The following RYR3 variants were observed in gnomAD, a reference collection of about 807,000 sequenced individuals.
RYR3 encodes ryanodine receptor 3.
A neutral mutation model predicts 584.3 loss-of-function variants in RYR3; 207 were observed. The ratio of observed to expected loss-of-function variants is 0.35; its 90% CI spans 0.32 to 0.40. The LOEUF (loss-of-function observed/expected upper bound fraction) is 0.40. Among genes scored for constraint, RYR3 ranks in the 10% least tolerant of loss-of-function variants. The probability of loss-of-function intolerance (pLI) is 1.00; values close to 1 mark genes in which losing one functional copy is unlikely to be tolerated. For missense variants in RYR3, 5,616 were observed against 6,089.2 expected (o/e 0.92, Z 2.59); for synonymous variants, 2,416 against 2,248.5 (o/e 1.07, Z -2.11).
intron 2 of RYR3, among the ~76,000 whole-genome samples, chr15:33,495,740 T>C (rs895791306): frequency 5.3e-5 from 8 of 152,182 alleles, no homozygotes; most frequent in Admixed American, 2.0e-4. Flanking sequence ...TGTAACTTTC[T>C]CCATTATAAA....
Position 33,584,436 on chromosome 15 carries a change from T to G in RYR3, c.1615T>G (p.Ser539Ala). The G allele has an allele frequency of 1.2e-6, 2 of 1,608,970 alleles. No individual in the cohort carries two copies. The highest frequency in any genetic ancestry group is 1.7e-6 in the Non-Finnish European group (2 of 1,176,312). The change falls in exon 15 of 104, where the codon TCC (serine) becomes GCC (alanine). Residue 539 changes from serine (S) to alanine (A), a missense_variant. Coordinates refer to ENST00000634891, the MANE Select transcript of RYR3 (RefSeq NM_001036.6). ...AAACAGAAACAATTGCGCTCAATTC[T>G]CCAATAACCTTGATTGGCTCATCAG... ...RGNRNNCAQFSNNLDWLISKL... is the reference protein window; with the variant it reads ...RGNRNNCAQFANNLDWLISKL...
intron 3 of RYR3, 32 bp from the exon 4 acceptor site, chr15:33,530,560 T>G (rs764071714): frequency 6.6e-7 from 1 of 1,514,948 alleles, no homozygotes; most frequent in Non-Finnish European, 9.2e-7. Context: ...ACAACGGGCA[T>G]GTGCTGACCT....
intron 1 of RYR3, among the ~76,000 whole-genome samples, chr15:33,315,425 G>A (rs1968023739): frequency 6.6e-6 from 1 of 152,190 alleles, no homozygotes; most frequent in African/African-American, 2.4e-5. Context: ...AGTAGCAATG[G>A]AGGTAGTGCT....
At chr15:33,478,025 G>T (rs190002354) in intron 2 of RYR3, among the ~76,000 whole-genome samples, 82 of 151,474 alleles carry the variant, frequency 5.4e-4, no homozygotes, top group Non-Finnish European at 1.0e-3. Flanking sequence ...GTGTTCCTAG[G>T]CACTAGGAAT....
At chr15:33,409,281 A>G (rs1366639227) in intron 1 of RYR3, among the ~76,000 whole-genome samples, 1 of 151,350 alleles carries the variant, frequency 6.6e-6, no homozygotes, top group East Asian at 1.9e-4. Context: ...TGTGCTGCGT[A>G]TAATAAATAA....
chr15:33,374,857 C>T (rs2141128538), intron 1 of RYR3, among the ~76,000 whole-genome samples: 1 of 152,298 alleles, frequency 6.6e-6, no homozygotes, highest in South Asian at 2.1e-4. Context: ...GTGGCTCTGG[C>T]TGGGCTTTAC....
At chr15:33,447,536 A>T (rs561464000) in intron 1 of RYR3, among the ~76,000 whole-genome samples, 1 of 152,174 alleles carries the variant, frequency 6.6e-6, no homozygotes, top group Admixed American at 6.5e-5. Context: ...CAGAGCAGGC[A>T]TTGGGTTGTG....
At chr15:33,440,971 G>A (rs769315043) in intron 1 of RYR3, among the ~76,000 whole-genome samples, 1 of 152,224 alleles carries the variant, frequency 6.6e-6, no homozygotes, top group Non-Finnish European at 1.5e-5. Context: ...GCTCTTTCTT[G>A]TGGTGGTAAC....
chr15:33,404,593 T>TG (rs1195745948), intron 1 of RYR3, among the ~76,000 whole-genome samples: 1 of 150,886 alleles, frequency 6.6e-6, no homozygotes, highest in African/African-American at 2.5e-5. Flanking sequence ...CTGTGTGTTT[T>TG]TTTTTTTTTT....
intron 1 of RYR3, among the ~76,000 whole-genome samples, chr15:33,346,280 G>A (rs1174371794): frequency 6.6e-6 from 1 of 152,162 alleles, no homozygotes; most frequent in Non-Finnish European, 1.5e-5. Flanking sequence ...TGTATTGAAC[G>A]AAAATAGATT....
At chr15:33,806,054 CT>C (rs1713358159) in intron 69 of RYR3, among the ~76,000 whole-genome samples, 1 of 152,024 alleles carries the variant, frequency 6.6e-6, no homozygotes, top group Non-Finnish European at 1.5e-5. Context: ...TACAGAAAGT[CT>C]TCTGTTTTTT....
In RYR3 at chr15:33,311,203, G is replaced by C; in HGVS notation, c.51+107G>C. 1 of 863,250 alleles carries C rather than the reference G, an allele frequency of 1.2e-6. No individual in the cohort carries two copies. The highest frequency in any genetic ancestry group is 1.6e-6 in the Non-Finnish European group (1 of 623,916). 53.5% of individuals were successfully genotyped at this position (863,250 alleles called of 1,614,324 possible). The stretch of plus-strand genomic sequence containing the variant: ...GCCGCGGTGCCGGGTGCCCGGTGCC[G>C]GGCGCTTTCTCCGCACCCGCGGGCT... On this transcript the variant is annotated intron_variant, in intron 1 of 103. Coordinates refer to ENST00000634891, the MANE Select transcript of RYR3 (RefSeq NM_001036.6). The surrounding 1 kb of genome is among the most constrained non-coding windows in gnomAD (Gnocchi z 4.4).
chr15:33,562,161 T>C (rs761506662), intron 10 of RYR3, among the ~76,000 whole-genome samples: 11 of 152,184 alleles, frequency 7.2e-5, no homozygotes, highest in Non-Finnish European at 1.0e-4. Flanking sequence ...CTTCAGATTG[T>C]CACTGAGTTG....
intron 20 of RYR3, among the ~76,000 whole-genome samples, chr15:33,627,830 A>C (rs1196513108): frequency 6.6e-6 from 1 of 152,004 alleles, no homozygotes; most frequent in Non-Finnish European, 1.5e-5. Context: ...CCAGGGAGAA[A>C]ATAATGAGGT....
At position 33,825,690 on chromosome 15, in the gene RYR3, G is replaced by A; in HGVS notation, c.11146+14G>A. On this transcript the variant is annotated intron_variant, in intron 82 of 103. Coordinates refer to ENST00000634891, the MANE Select transcript of RYR3 (RefSeq NM_001036.6). Reference sequence around the variant, plus strand: ...AAGAAGGAACACGTAAGTAACTAATGAATGTGAAGGCCATTCTCTTCCTGA... The same window carrying A: ...AAGAAGGAACACGTAAGTAACTAATAAATGTGAAGGCCATTCTCTTCCTGA... 1 of 1,127,438 alleles carries A rather than the reference G, an allele frequency of 8.9e-7. No individual in the cohort carries two copies. Among genetic ancestry groups the A allele is most frequent in the Non-Finnish European group, 1.3e-6 (1 of 759,152 alleles). 69.8% of individuals were successfully genotyped at this position (1,127,438 alleles called of 1,614,324 possible). A position where few individuals can be genotyped will look rare whatever the true frequency, so the allele number is the denominator to read the frequency against.
intron 3 of RYR3, among the ~76,000 whole-genome samples, chr15:33,505,996 T>C (rs1247605923): frequency 6.6e-6 from 1 of 152,212 alleles, no homozygotes; most frequent in African/African-American, 2.4e-5. Context: ...TAATCTCTTA[T>C]CCTGTTTTGT....
At chr15:33,524,253 A>T (rs1051835826) in intron 3 of RYR3, among the ~76,000 whole-genome samples, 3 of 152,192 alleles carry the variant, frequency 2.0e-5, no homozygotes, top group Admixed American at 6.5e-5. Context: ...AGGTTTCCTT[A>T]TTCTTGCCTA....
intron 43 of RYR3, among the ~76,000 whole-genome samples, chr15:33,720,418 C>A (rs143385430): frequency 1.3e-5 from 2 of 152,298 alleles, no homozygotes; most frequent in African/African-American, 4.8e-5. Flanking sequence ...TGGGAGAAAT[C>A]TCTGCATCTG....
At chr15:33,550,126 T>C in intron 9 of RYR3, 34 bp from the exon 10 acceptor site, 3 of 1,603,294 alleles carry the variant, frequency 1.9e-6, no homozygotes, top group Non-Finnish European at 2.6e-6. Flanking sequence ...TATTTTTGTA[T>C]AAATGCAATT....
Sources: allele counts gnomAD v4.1 joint callset (sites outside exome capture counted in the v4.1 genomes callset), GRCh38; gene constraint gnomAD v4.1.1; non-coding constraint Gnocchi (gnomAD v3.1); transcripts MANE v1.5; gene names NCBI Gene and HGNC (gene_info 2026-07-23, HGNC 2026-07-21).